The following CTU2 variants were observed in gnomAD, a reference collection of about 807,000 sequenced individuals.
The protein encoded by CTU2 is cytosolic thiouridylase subunit 2.
A neutral mutation model predicts 64.1 loss-of-function variants in CTU2; 80 were observed. That is an observed-to-expected ratio of 1.25 (90% confidence interval 1.04 to 1.50). CTU2 has a LOEUF of 1.50. Among genes scored for constraint, CTU2 ranks in the 40% most tolerant of loss-of-function variants. The pLI is 0.00. For missense variants in CTU2, 1,110 were observed against 690.2 expected (o/e 1.61, Z -6.81); for synonymous variants, 482 against 285.3 (o/e 1.69, Z -6.95).
At chr16:88,711,872 C>T (rs760699348) in intron 5 of CTU2, among the ~76,000 whole-genome samples, 177 bp downstream of exon 5, 5 of 152,188 alleles carry the variant, frequency 3.3e-5, no homozygotes, top group Non-Finnish European at 7.4e-5. Context: ...AAGGAGGCAG[C>T]AGATGTATCC....
At chr16:88,707,927 C>T (rs1235981289) in intron 2 of CTU2, among the ~76,000 whole-genome samples, 1 of 152,132 alleles carries the variant, frequency 6.6e-6, no homozygotes, top group Non-Finnish European at 1.5e-5. Context: ...TCTCCTGCCT[C>T]AGCCTCCTGA....
In CTU2 at chr16:88,713,563, C is replaced by G. The variant is rs140243745; in HGVS notation, c.874-84C>G. 769 of 1,565,702 alleles carry G rather than the reference C, an allele frequency of 4.9e-4. 3 individuals carry two copies. The African/African-American group carries it at 8.7e-3, about 18-fold the overall frequency. On this transcript the variant is annotated intron_variant, in intron 8 of 14. Transcript: ENST00000453996. ...CTGCGGCCTCGGATGGTGGTGGGGT[C>G]TGTGACCTCCCCTACCTGGCAGGGG...
intron 2 of CTU2, among the ~76,000 whole-genome samples, chr16:88,707,921 C>A (rs749870960): frequency 2.6e-5 from 4 of 152,104 alleles, no homozygotes; most frequent in Non-Finnish European, 5.9e-5. Flanking sequence ...AGTGATTCTC[C>A]TGCCTCAGCC....
intron 5 of CTU2, 64 bp from the exon 6 acceptor site, chr16:88,712,210 G>A: frequency 2.2e-6 from 3 of 1,385,662 alleles, no homozygotes; most frequent in Non-Finnish European, 3.0e-6. Context: ...GGTGGAGGTG[G>A]CCCTGCAGCC....
rs773136193 is a variant in CTU2 at position 88,711,617 on chromosome 16, T to G, written c.283-18T>G. On this transcript the variant is annotated intron_variant, in intron 4 of 14. Transcript: ENST00000453996. ...GGCTTATGGCTGGGGGCTGAGTCCC[T>G]GCTGCTTCTCCCTCTAGGGCCTGAG... The G allele has an allele frequency of 6.3e-7, 1 of 1,587,094 alleles. No homozygotes were observed. Among genetic ancestry groups the G allele is most frequent in the East Asian group, 2.3e-5 (1 of 43,958 alleles).
chr16:88,711,917 G>A, intron 5 of CTU2: 1 of 604,324 alleles, frequency 1.7e-6, no homozygotes, highest in African/African-American at 1.9e-5. Context: ...TGGAATCTAA[G>A]AACATCCTTA....
intron 4 of CTU2, among the ~76,000 whole-genome samples, chr16:88,711,240 G>A (rs1911294601): frequency 1.3e-5 from 2 of 152,166 alleles, no homozygotes; most frequent in African/African-American, 4.8e-5. Flanking sequence ...GCCCAGCGGC[G>A]CCCCTGCCTC....
rs574655222 is a variant in CTU2 at position 88,713,268 on chromosome 16, C to T, written c.738-44C>T. On this transcript the variant is annotated intron_variant, in intron 7 of 14. Coordinates refer to ENST00000453996, the MANE Select transcript of CTU2 (RefSeq NM_001012759.3). Reference sequence around the variant, plus strand: ...CTCATACCCGAGAGCCCCCCTTCCCCGGGTCCTGCACCCCCCAGGCCCCTG... The same window carrying T: ...CTCATACCCGAGAGCCCCCCTTCCCTGGGTCCTGCACCCCCCAGGCCCCTG... The T allele has an allele frequency of 2.2e-4, 330 of 1,524,316 alleles. 1 individual carries two copies. In the East Asian group the frequency reaches 3.0e-3, roughly 14 times the overall value. 94.4% of individuals were successfully genotyped at this position (1,524,316 alleles called of 1,614,324 possible). A position where few individuals can be genotyped will look rare whatever the true frequency, so the allele number is the denominator to read the frequency against.
intron 9 of CTU2, 149 bp from the exon 10 acceptor site, chr16:88,713,987 G>T (rs185435037): frequency 2.0e-6 from 2 of 1,022,082 alleles, no homozygotes; most frequent in East Asian, 2.4e-5. Flanking sequence ...CTGCTGAAGC[G>T]GGTTCTCTGG....
intron 1 of CTU2, 139 bp from the exon 2 acceptor site, chr16:88,706,997 C>G: frequency 1.3e-6 from 1 of 774,352 alleles, no homozygotes; most frequent in South Asian, 1.6e-5. Flanking sequence ...AGAACACAAG[C>G]CTGGGTTTGT....
Position 88,715,172 on chromosome 16 carries a change from T to TTCTC in CTU2, c.1479-6_1479-3dup. ...CTCGGGGCTGGTGCCCACTGCAGCT[T>TTCTC]TCTCTCTAGGGCCTGGGGCTTGCAG... is the stretch of plus-strand genomic sequence containing the variant. On this transcript the variant is annotated splice_polypyrimidine_tract_variant and intron_variant, in intron 14 of 14. Transcript: ENST00000453996. 6.2e-7 allele frequency: 1 copy of TTCTC among 1,611,380 alleles called. No individual in the cohort carries two copies. Among genetic ancestry groups the TTCTC allele is most frequent in the Non-Finnish European group, 8.5e-7 (1 of 1,179,394 alleles).
At chr16:88,712,196 C>G in intron 5 of CTU2, 78 bp from the exon 6 acceptor site, 2 of 1,272,444 alleles carry the variant, frequency 1.6e-6, no homozygotes, top group Non-Finnish European at 2.2e-6. Flanking sequence ...GAAGGGTTTT[C>G]CCAGGTGGAG....
rs766362391 is a variant in CTU2 at position 88,713,757 on chromosome 16, C to T, written c.984C>T (p.Phe328=). 6 of 1,612,624 alleles carry T rather than the reference C, an allele frequency of 3.7e-6. No homozygotes were observed. In the African/African-American group the frequency reaches 4.0e-5, roughly 11 times the overall value. Residue 328 remains phenylalanine, a synonymous_variant, in exon 9 of 15, where the codon TTC becomes TTT. Transcript: ENST00000453996. ...GCCTGTTCTCCGTTCCTTCTGTCTT[C>T]ACACCAGCCGTCGACACCAAGGTGG... ...YNRLFSVPSV[F]TPAVDTKAPE... is the part of the protein sequence containing the mutation.
At chr16:88,714,821 G>C (rs377029621) in intron 12 of CTU2, 39 bp from the exon 13 acceptor site, 11 of 1,611,420 alleles carry the variant, frequency 6.8e-6, no homozygotes, top group Non-Finnish European at 9.3e-6. Context: ...ACGGCATTGA[G>C]GTGCCAAGGT....
chr16:88,713,808 C>A (rs199978057), intron 9 of CTU2, 30 bp downstream of exon 9: 1 of 1,611,228 alleles, frequency 6.2e-7, no homozygotes, highest in Admixed American at 1.7e-5. Flanking sequence ...CAACCTCTCT[C>A]ACCATTGACA....
intron 8 of CTU2, 22 bp from the exon 9 acceptor site, chr16:88,713,625 A>G (rs1477291294): frequency 2.5e-6 from 4 of 1,608,512 alleles, no homozygotes; most frequent in Non-Finnish European, 2.5e-6. Flanking sequence ...GACCTGGACC[A>G]CACAGCCCCT....
In CTU2 at chr16:88,714,346, G is replaced by A. The variant is rs557189445; in HGVS notation, c.1098-37G>A. On this transcript the variant is annotated intron_variant, in intron 10 of 14. Coordinates refer to ENST00000453996, the MANE Select transcript of CTU2 (RefSeq NM_001012759.3). The stretch of plus-strand genomic sequence containing the variant: ...AGGGCTTAGGGTGGAGCCCCAGCCC[G>A]TGTGATTCACCTGCTCCTCCCACAA... The A allele has an allele frequency of 8.6e-5, 138 of 1,609,086 alleles. 2 individuals carry two copies. The South Asian group carries it at 1.0e-3, about 12-fold the overall frequency.
chr16:88,706,986 C>G, intron 1 of CTU2, 150 bp from the exon 2 acceptor site: 9 of 739,978 alleles, frequency 1.2e-5, no homozygotes, highest in South Asian at 1.1e-4. Flanking sequence ...GAAGTTTGGA[C>G]AGAACACAAG....
In CTU2 at chr16:88,707,189, G is replaced by C. The variant is rs144803111; in HGVS notation, c.122G>C (p.Arg41Pro). 5.6e-6 allele frequency: 9 copies of C among 1,613,850 alleles called. No individual in the cohort carries two copies. The African/African-American group carries it at 1.1e-4, about 19-fold the overall frequency. Residue 41 changes from arginine to proline, a missense_variant, in exon 2 of 15, where the codon CGA becomes CCA. By Grantham distance (103) the Arg-to-Pro change is moderately radical. Transcript: ENST00000453996. ...CKEAQPVVVI[R>P]AGDAFCRDCF... ...GAAGCGCAGCCCGTTGTGGTGATAC[G>C]AGCCGGAGATGCCTTCTGCAGGTGA...
Sources: gnomAD v4.1 joint callset for allele counts (sites outside exome capture counted in the v4.1 genomes callset) on GRCh38, gnomAD v4.1.1 for gene constraint, MANE v1.5 for transcripts, NCBI Gene and HGNC (gene_info 2026-07-23, HGNC 2026-07-21) for gene names.